The following EVL variants were observed in gnomAD, a reference collection of about 807,000 sequenced individuals.
EVL encodes the protein Enah/Vasp-like, also known as ena/VASP-like protein.
Under a neutral mutation model 59.6 loss-of-function variants are expected in EVL, and 21 were observed. That is an observed-to-expected ratio of 0.35 (90% CI 0.25 to 0.51). EVL has a LOEUF of 0.51. Ranked by LOEUF, EVL falls within the 20% of genes least tolerant of loss-of-function variation. EVL has a pLI of 0.97. For synonymous variants in EVL, 198 were observed against 203.5 expected, an observed-to-expected ratio of 0.97 and a Z score of 0.23; for missense variants, 462 against 546.6, an observed-to-expected ratio of 0.85 and a Z score of 1.54.
chr14:100,128,727 C>G lies in EVL; in HGVS notation c.696C>G (p.Ala232=), dbSNP rs1595235234. ...GACTGGCCGCTGCCATAGCTGGGGC[C>G]AAGCTGAGAAGAGTCCAACGGGTAA... ...MSGLAAAIAG[A]KLRRVQRPED... Residue 232 remains alanine (A), a synonymous_variant, in exon 6 of 14, where the codon GCC becomes GCG. Transcript: ENST00000392920. 2 of 1,606,314 alleles carry G rather than the reference C, an allele frequency of 1.2e-6. No individual in the cohort carries two copies. Among genetic ancestry groups the G allele is most frequent in the East Asian group, 4.5e-5 (2 of 44,876 alleles).
intron 5 of EVL, among the ~76,000 whole-genome samples, chr14:100,128,136 T>A (rs1888197627): frequency 1.3e-5 from 2 of 152,176 alleles, no homozygotes; most frequent in South Asian, 4.1e-4. Flanking sequence ...GTGACCAACT[T>A]CTGCCTAGGG....
intron 3 of EVL, 83 bp from the exon 4 acceptor site, chr14:100,123,456 G>T: frequency 7.2e-7 from 1 of 1,384,012 alleles, no homozygotes; most frequent in Non-Finnish European, 1.0e-6. Context: ...CAGAAGGTGG[G>T]CAGAGATAGA....
intron 3 of EVL, among the ~76,000 whole-genome samples, chr14:100,110,710 A>C (rs1886917049): frequency 6.6e-6 from 1 of 152,216 alleles, no homozygotes; most frequent in African/African-American, 2.4e-5. Context: ...TCCCACCTGC[A>C]TCCTGCTGCT....
chr14:100,124,436 C>T (rs1395071424), intron 4 of EVL, among the ~76,000 whole-genome samples: 2 of 152,228 alleles, frequency 1.3e-5, no homozygotes, highest in African/African-American at 4.8e-5. Context: ...GCCTTGCAAC[C>T]TTGGGCAAGT....
At position 100,011,896 on chromosome 14, in the gene EVL, C is replaced by T. The variant is rs140187267; in HGVS notation, c.5+39839C>T. ...TGACTTGTATAGCACTTAAAATTTA[C>T]GAAAGATTGGCACACCTGTTATTAT... On this transcript the variant is annotated intron_variant, in intron 1 of 13. Coordinates refer to the EVL transcript ENST00000402714. Among the ~76,000 whole-genome samples the T allele has an allele frequency of 6.1e-4, 93 of 152,268 alleles. 1 individual carries two copies. Among genetic ancestry groups the T allele is most frequent in the African/African-American group, 2.0e-3 (82 of 41,560 alleles).
At chr14:100,134,392 A>G (rs1408063126) in intron 8 of EVL, among the ~76,000 whole-genome samples, 2 of 152,156 alleles carry the variant, frequency 1.3e-5, no homozygotes, top group African/African-American at 4.8e-5. Flanking sequence ...CTGGAAGAGG[A>G]ACATTCTTGA....
At chr14:100,095,063 A>C (rs997657815) in intron 2 of EVL, among the ~76,000 whole-genome samples, 7 of 152,210 alleles carry the variant, frequency 4.6e-5, no homozygotes, top group African/African-American at 1.4e-4. Flanking sequence ...AAAACAAAAC[A>C]AAAACGGTAC....
At chr14:100,074,097 AG>A (rs1437298540) in intron 1 of EVL, among the ~76,000 whole-genome samples, 2 of 152,186 alleles carry the variant, frequency 1.3e-5, no homozygotes, top group Non-Finnish European at 2.9e-5. Flanking sequence ...ATTTCCCAAC[AG>A]CCAGGGCTCA....
chr14:100,037,008 T>G (rs956540432), intron 1 of EVL, among the ~76,000 whole-genome samples: 2 of 152,196 alleles, frequency 1.3e-5, no homozygotes, highest in African/African-American at 4.8e-5. Context: ...AGAAGGTGGC[T>G]GTCCACAAGC....
chr14:100,135,604 G>A (rs746470205), intron 8 of EVL: 33 of 336,026 alleles, frequency 9.8e-5, no homozygotes, highest in Non-Finnish European at 1.6e-4. Context: ...GGAGGCATCC[G>A]GCCCAAGGGG....
intron 1 of EVL, among the ~76,000 whole-genome samples, chr14:100,032,625 G>C (rs1241508307): frequency 6.6e-6 from 1 of 152,080 alleles, no homozygotes; most frequent in Non-Finnish European, 1.5e-5. Flanking sequence ...ATTTAGTCTG[G>C]ATCTGCACTC....
chr14:100,033,546 C>T (rs2061345114), intron 1 of EVL, among the ~76,000 whole-genome samples: 1 of 152,148 alleles, frequency 6.6e-6, no homozygotes, highest in Non-Finnish European at 1.5e-5. Flanking sequence ...CTGCTTTCTA[C>T]CCTAATTTTG....
intron 1 of EVL, among the ~76,000 whole-genome samples, chr14:100,044,813 A>T (rs1363745515): frequency 2.6e-5 from 4 of 152,130 alleles, no homozygotes; most frequent in African/African-American, 7.2e-5. Flanking sequence ...TATAGCTTGG[A>T]TGTAAGGGTT....
intron 3 of EVL, among the ~76,000 whole-genome samples, chr14:100,118,003 A>T (rs1412233442): frequency 6.6e-6 from 1 of 152,240 alleles, no homozygotes. Context: ...AACTATGGTA[A>T]GTACTGGGAA....
In EVL at chr14:100,019,737, C is replaced by T. The variant is rs1410055105; in HGVS notation, c.5+47680C>T. On this transcript the variant is annotated intron_variant, in intron 1 of 13. Transcript: ENST00000402714. ...GTCTGCTGCTGGCTTTTTGTTCTCG[C>T]TAGGTTTTTGCTGTGTAATGACAGC... 5 of 1,517,602 alleles carry T rather than the reference C, an allele frequency of 3.3e-6. No individual in the cohort carries two copies. The East Asian group carries it at 1.2e-4, about 37-fold the overall frequency. 94.0% of individuals were successfully genotyped at this position (1,517,602 alleles called of 1,614,324 possible).
rs889767296 is a variant in EVL at position 99,972,687 on chromosome 14, G to A, written c.5+630G>A. On this transcript the variant is annotated intron_variant, in intron 1 of 13. Coordinates refer to the EVL transcript ENST00000402714. This position sits in a 1 kb window ranked among gnomAD's most constrained non-coding sequence, Gnocchi z 4.4. ...GTATCACCCAGCTCGGGAGCCTGCT[G>A]ATTATCAGGCCAAGAAATAAAACCT... Among the ~76,000 whole-genome samples, 2 of 152,068 alleles carry A rather than the reference G, an allele frequency of 1.3e-5. No individual in the cohort carries two copies. The highest frequency in any genetic ancestry group is 6.6e-5 in the Admixed American group (1 of 15,264).
intron 1 of EVL, among the ~76,000 whole-genome samples, chr14:100,043,373 G>A (rs1314866910): frequency 6.6e-6 from 1 of 151,190 alleles, no homozygotes; most frequent in Non-Finnish European, 1.5e-5. Flanking sequence ...TGATTATGGA[G>A]GTTGTAAAGT....
intron 1 of EVL, among the ~76,000 whole-genome samples, chr14:100,038,909 T>C (rs2061428062): frequency 6.6e-6 from 1 of 152,170 alleles, no homozygotes; most frequent in Non-Finnish European, 1.5e-5. Context: ...CTCTTGAATA[T>C]ATCCTGCCTC....
At chr14:100,064,953 A>G (rs1226710372), upstream of EVL, among the ~76,000 whole-genome samples, 3 of 152,206 alleles carry the variant, frequency 2.0e-5, no homozygotes, top group East Asian at 1.9e-4. Flanking sequence ...AGCCTTTATC[A>G]TCTAGTCTTC....
Sources: allele counts gnomAD v4.1 joint callset (sites outside exome capture counted in the v4.1 genomes callset), GRCh38; gene constraint gnomAD v4.1.1; non-coding constraint Gnocchi (gnomAD v3.1); transcripts MANE v1.5; gene names NCBI Gene and HGNC (gene_info 2026-07-23, HGNC 2026-07-21).